Variants in FNBP1 observed in about 807,000 individuals in gnomAD.
FNBP1 encodes formin binding protein 1, also known as formin-binding protein 1.
In FNBP1, 26 loss-of-function variants were observed where a neutral mutation model predicts 90.6. The observed-to-expected ratio is 0.29, with a 90% CI of 0.21 to 0.40. The LOEUF is 0.40. Among genes scored for constraint, FNBP1 ranks in the 10% least tolerant of loss-of-function variants. FNBP1 has a pLI of 1.00. For synonymous variants in FNBP1, 260 were observed against 265.2 expected (o/e 0.98, Z 0.19); for missense variants, 635 against 768.0 (o/e 0.83, Z 2.05).
At chr9:129,930,408 C>T (rs1448938859) in intron 6 of FNBP1, among the ~76,000 whole-genome samples, 1 of 152,018 alleles carries the variant, frequency 6.6e-6, no homozygotes, top group African/African-American at 2.4e-5. Context: ...GGGGTTCATG[C>T]ACTAAAAAGG....
In FNBP1 at chr9:129,890,976, GA is replaced by G. The variant is rs2035046911; in HGVS notation, c.1847-431del. 6.6e-6 allele frequency among the ~76,000 whole-genome samples: 1 copy of G among 151,662 alleles called. No individual in the cohort carries two copies. Among genetic ancestry groups the G allele is most frequent in the African/African-American group, 2.4e-5 (1 of 41,222 alleles). On this transcript the variant is annotated intron_variant, in intron 16 of 16. Transcript: ENST00000446176. This position sits in a 1 kb window ranked among gnomAD's most constrained non-coding sequence, Gnocchi z 5.8. Reference sequence around the variant, plus strand: ...TCAAGACCAGCCTGGCTAACATGGTGAAAACCCATCTCTATTAAAAATACAA... The same window carrying G: ...TCAAGACCAGCCTGGCTAACATGGTGAAACCCATCTCTATTAAAAATACAA...
In FNBP1 at chr9:129,966,504, G is replaced by A. The variant is rs1384138599; in HGVS notation, c.346-7951C>T. On this transcript the variant is annotated intron_variant, in intron 4 of 16. Transcript: ENST00000446176. The surrounding 1 kb of genome is among the most constrained non-coding windows in gnomAD (Gnocchi z 4.3). ...AGCACTTTGGGAGGTCGAGATGGGC[G>A]GATCATTTGAGGTCAGGAGTTCGAG... Among the ~76,000 whole-genome samples the A allele has an allele frequency of 6.6e-5, 10 of 151,938 alleles. No homozygotes were observed. Among genetic ancestry groups the A allele is most frequent in the Non-Finnish European group, 7.4e-5 (5 of 67,984 alleles).
chr9:129,898,721 C>T (rs1276281113), intron 15 of FNBP1, among the ~76,000 whole-genome samples: 1 of 152,180 alleles, frequency 6.6e-6, no homozygotes, highest in East Asian at 1.9e-4. Flanking sequence ...ATCTCCTGAC[C>T]TCACGATCCG....
rs2034807425 is a variant in FNBP1, at chr9:129,887,197, A to G, written c.*3342T>C. ...CCCGTGACACGGAGCCACAAGTTATATTTTATTTTAACACGAGATTAACAT... is the reference window on the plus strand; with the variant it reads ...CCCGTGACACGGAGCCACAAGTTATGTTTTATTTTAACACGAGATTAACAT... On this transcript the variant is annotated 3_prime_UTR_variant, in exon 17 of 17. Coordinates refer to ENST00000446176, the MANE Select transcript of FNBP1 (RefSeq NM_015033.3). 5.6e-6 allele frequency: 1 copy of G among 178,850 alleles called. No homozygotes were observed. Among genetic ancestry groups the G allele is most frequent in the Non-Finnish European group, 1.2e-5 (1 of 83,420 alleles). The allele number at this position is 178,850 out of a possible 1,614,324, so 11.1% of individuals were successfully genotyped here. A position where few individuals can be genotyped will look rare whatever the true frequency, so the allele number is the denominator to read the frequency against.
At chr9:129,933,696 A>C (rs2043067669) in intron 6 of FNBP1, 1 of 152,184 alleles carries the variant, frequency 6.6e-6, no homozygotes, top group South Asian at 2.1e-4. Context: ...TTTTTCTTCC[A>C]TGCTTGGACA....
chr9:130,032,380 A>G (rs1483667888), intron 1 of FNBP1, among the ~76,000 whole-genome samples: 1 of 152,134 alleles, frequency 6.6e-6, no homozygotes, highest in Non-Finnish European at 1.5e-5. Context: ...TATGTTACCC[A>G]GGCTGGTCTT....
At chr9:129,925,454 T>G (rs1209852555) in intron 8 of FNBP1, among the ~76,000 whole-genome samples, 1 of 151,380 alleles carries the variant, frequency 6.6e-6, no homozygotes, top group Non-Finnish European at 1.5e-5. Context: ...TGCAGTGAGC[T>G]GAGCTCGCGC....
upstream of FNBP1, chr9:130,044,781 CAAAAGTTAGCTG>C (rs2060043443): frequency 6.6e-6 from 1 of 151,326 alleles, no homozygotes; most frequent in South Asian, 2.1e-4. Context: ...ACTAAAAACA[CAAAAGTTAGCTG>C]GGCGTGGTGA....
intron 1 of FNBP1, among the ~76,000 whole-genome samples, chr9:130,034,454 G>C (rs1049822143): frequency 1.6e-4 from 24 of 152,300 alleles, no homozygotes; most frequent in Admixed American, 1.4e-3. Flanking sequence ...CTGCACTCCA[G>C]CCTGGTCAAC....
intron 1 of FNBP1, among the ~76,000 whole-genome samples, chr9:130,024,721 T>A (rs1455049344): frequency 6.6e-6 from 1 of 152,200 alleles, no homozygotes; most frequent in East Asian, 1.9e-4. Flanking sequence ...AGCCATCGTA[T>A]CATCCTGTTT....
chr9:130,047,164 C>A (rs941297994), upstream of FNBP1, among the ~76,000 whole-genome samples: 2 of 151,844 alleles, frequency 1.3e-5, no homozygotes, highest in Non-Finnish European at 2.9e-5. Context: ...GCCAGGGTGA[C>A]AGCAAGACCC....
intron 16 of FNBP1, 39 bp downstream of exon 16, chr9:129,895,799 G>A: frequency 7.4e-7 from 1 of 1,357,246 alleles, no homozygotes. Context: ...TTTTTTTTAA[G>A]TTTTTTTTTT....
At chr9:129,974,213 G>GA (rs923310509) in intron 4 of FNBP1, among the ~76,000 whole-genome samples, 4 of 151,562 alleles carry the variant, frequency 2.6e-5, no homozygotes, top group African/African-American at 9.7e-5. Context: ...AAACTCACTG[G>GA]AAAAAAAACC....
chr9:129,916,395 A>G (rs936071446), intron 10 of FNBP1, among the ~76,000 whole-genome samples: 1 of 152,160 alleles, frequency 6.6e-6, no homozygotes, highest in African/African-American at 2.4e-5. Context: ...AGGCAGGTGG[A>G]TCACCTGAGG....
chr9:129,936,261 T>G (rs1164537185), intron 6 of FNBP1: 2 of 152,166 alleles, frequency 1.3e-5, no homozygotes, highest in Non-Finnish European at 2.9e-5. Flanking sequence ...AAGAGACCAA[T>G]TATATGTTAG....
intron 4 of FNBP1, among the ~76,000 whole-genome samples, chr9:129,973,492 G>GT (rs1366648151): frequency 6.6e-6 from 1 of 151,954 alleles, no homozygotes; most frequent in Non-Finnish European, 1.5e-5. Flanking sequence ...TTTCTTTTCT[G>GT]TTTTTTGTTT....
intron 13 of FNBP1, among the ~76,000 whole-genome samples, chr9:129,901,166 G>A (rs35582437): frequency 0.035 from 5,350 of 152,300 alleles, 138 homozygotes; most frequent in Middle Eastern, 0.058. Context: ...AGCACTTTGG[G>A]AGGCCGAGGT....
intron 1 of FNBP1, among the ~76,000 whole-genome samples, chr9:130,019,262 C>G (rs902379502): frequency 6.7e-6 from 1 of 149,070 alleles, no homozygotes; most frequent in South Asian, 2.1e-4. Context: ...GATCGCGCCA[C>G]TGCACTCCAG....
chr9:129,934,625 G>A (rs1257912338), intron 6 of FNBP1, among the ~76,000 whole-genome samples: 2 of 150,798 alleles, frequency 1.3e-5, no homozygotes, highest in Non-Finnish European at 2.9e-5. Context: ...AGGCTGGAGT[G>A]CAGTGGCACA....
Sources: gnomAD v4.1 joint callset for allele counts (sites outside exome capture counted in the v4.1 genomes callset) on GRCh38, gnomAD v4.1.1 for gene constraint, Gnocchi (gnomAD v3.1) non-coding constraint, MANE v1.5 for transcripts, NCBI Gene and HGNC (gene_info 2026-07-23, HGNC 2026-07-21) for gene names.